Variants in KYNU observed in about 807,000 individuals in gnomAD.
The protein encoded by KYNU is L-kynurenine hydrolase.
A neutral mutation model predicts 59.2 loss-of-function variants in KYNU; 54 were observed. The observed-to-expected ratio is 0.91, with a 90% CI of 0.73 to 1.14. The LOEUF (loss-of-function observed/expected upper bound fraction) is 1.14. Among genes scored for constraint, KYNU ranks in the 50% most tolerant of loss-of-function variants. The probability of loss-of-function intolerance (pLI) is 0.00; values close to 1 mark genes in which losing one functional copy is unlikely to be tolerated. For missense variants in KYNU, 567 were observed against 554.4 expected (o/e 1.02, Z -0.23); for synonymous variants, 177 against 192.0 (o/e 0.92, Z 0.65).
intron 10 of KYNU, among the ~76,000 whole-genome samples, chr2:143,010,985 T>C (rs1250989874): frequency 6.9e-6 from 1 of 145,834 alleles, no homozygotes; most frequent in African/African-American, 2.6e-5. Context: ...GCATGGCCAT[T>C]CAGGACATAG....
At chr2:142,930,952 T>G (rs1199807859) in intron 4 of KYNU, among the ~76,000 whole-genome samples, 3 of 152,142 alleles carry the variant, frequency 2.0e-5, no homozygotes, top group African/African-American at 7.2e-5. Flanking sequence ...AGGCCTAAAA[T>G]GGCATCAGCA....
At chr2:142,892,949 T>C (rs1681759488) in intron 2 of KYNU, among the ~76,000 whole-genome samples, 1 of 152,196 alleles carries the variant, frequency 6.6e-6, no homozygotes, top group Non-Finnish European at 1.5e-5. Flanking sequence ...AGGTTTCAGT[T>C]TGCCTCATGA....
At position 142,985,172 on chromosome 2, in the gene KYNU, G is replaced by A. The variant is rs1421825181; in HGVS notation, c.818G>A (p.Cys273Tyr). 4 of 1,591,628 alleles carry A rather than the reference G, an allele frequency of 2.5e-6. No individual in the cohort carries two copies. The Admixed American group carries it at 6.7e-5, about 27-fold the overall frequency. ...HDWGVDFACW[C>Y]SYKYLNAGAG... ...TGGGGAGTTGATTTTGCCTGCTGGTGTTCCTACAAGGTACAAACGAGTTAA... is the reference window on the plus strand; with the variant it reads ...TGGGGAGTTGATTTTGCCTGCTGGTATTCCTACAAGGTACAAACGAGTTAA... Residue 273 changes from cysteine (C) to tyrosine (Y), a missense_variant, in exon 9 of 14, where the codon TGT becomes TAT. Transcript: ENST00000264170.
chr2:142,991,489 T>G (rs1371515), intron 10 of KYNU, among the ~76,000 whole-genome samples: 82,451 of 151,370 alleles, frequency 0.54, 22,837 homozygotes, highest in East Asian at 0.75. Context: ...GCCTTCTGAG[T>G]CACCTGTTCT....
intron 2 of KYNU, among the ~76,000 whole-genome samples, chr2:142,912,371 C>CTTTTTTTTT (rs60854220): frequency 1.5e-4 from 13 of 89,514 alleles, no homozygotes; most frequent in African/African-American, 2.2e-4. Flanking sequence ...TTTTGTATTT[C>CTTTTTTTTT]TTTTTTTTTT....
intron 10 of KYNU, among the ~76,000 whole-genome samples, chr2:143,022,026 C>T (rs1686424350): frequency 6.6e-6 from 1 of 152,028 alleles, no homozygotes; most frequent in African/African-American, 2.4e-5. Flanking sequence ...ACTAAAGTAT[C>T]TGAATATTTA....
intron 10 of KYNU, among the ~76,000 whole-genome samples, chr2:143,018,959 G>C (rs1212629967): frequency 6.6e-6 from 1 of 151,982 alleles, no homozygotes; most frequent in Non-Finnish European, 1.5e-5. Context: ...GTATAGAAGT[G>C]CTACTGATTT....
chr2:142,981,178 T>G (rs1685041854), intron 8 of KYNU, among the ~76,000 whole-genome samples: 1 of 152,146 alleles, frequency 6.6e-6, no homozygotes, highest in African/African-American at 2.4e-5. Context: ...GCCAGAAGGA[T>G]TTTCATAATG....
rs1464101648 is a variant in KYNU, at chr2:143,055,776, T to A, written c.*13604T>A. The A allele has an allele frequency of 1.3e-5, 2 of 152,168 alleles. No homozygotes were observed. The highest frequency in any genetic ancestry group is 4.8e-5 in the African/African-American group (2 of 41,454). 9.4% of individuals were successfully genotyped at this position (152,168 alleles called of 1,614,324 possible). On this transcript the variant is annotated 3_prime_UTR_variant, in exon 14 of 14. Transcript: ENST00000264170. ...ATTTGAAAACTGGGTGAATAATATG[T>A]GGAATTCTCTCTATTTTTGTTAATG...
At chr2:142,896,429 A>T (rs1681879131) in intron 2 of KYNU, among the ~76,000 whole-genome samples, 1 of 152,204 alleles carries the variant, frequency 6.6e-6, no homozygotes, top group African/African-American at 2.4e-5. Flanking sequence ...CTTATGTACC[A>T]TCCATGCTCT....
intron 2 of KYNU, among the ~76,000 whole-genome samples, chr2:142,900,694 C>T (rs1169298593): frequency 1.3e-5 from 2 of 152,178 alleles, no homozygotes; most frequent in Admixed American, 6.5e-5. Context: ...AGTCTCCCTT[C>T]TCAACAGGAA....
At chr2:142,957,568 T>G in intron 6 of KYNU, 73 bp from the exon 7 acceptor site, 1 of 931,948 alleles carries the variant, frequency 1.1e-6, no homozygotes, top group South Asian at 1.3e-5. Context: ...TATTTTTACT[T>G]TATTATTTGT....
chr2:143,020,168 G>A (rs1686365859), intron 10 of KYNU, among the ~76,000 whole-genome samples: 1 of 151,806 alleles, frequency 6.6e-6, no homozygotes, highest in Admixed American at 6.6e-5. Context: ...CTAATTTTGA[G>A]TTTGGTTTGT....
chr2:142,883,296 G>T (rs1267041403), intron 1 of KYNU, among the ~76,000 whole-genome samples: 12 of 137,336 alleles, frequency 8.7e-5, no homozygotes. Flanking sequence ...CGGGGTTCAC[G>T]CCATTCTCCT....
chr2:142,887,536 A>C (rs1266478405), intron 2 of KYNU, among the ~76,000 whole-genome samples: 2 of 152,198 alleles, frequency 1.3e-5, no homozygotes, highest in Admixed American at 6.5e-5. Context: ...AATAGCCAAA[A>C]GGTGGAATTA....
Position 143,032,151 on chromosome 2 carries a change from A to C in KYNU, c.956-1085A>C, listed in dbSNP as rs538048843. 2.4e-4 allele frequency among the ~76,000 whole-genome samples: 36 copies of C among 152,134 alleles called. No homozygotes were observed. In the South Asian group the frequency reaches 7.1e-3, roughly 30 times the overall value. On this transcript the variant is annotated intron_variant, in intron 11 of 13. Coordinates refer to ENST00000264170, the MANE Select transcript of KYNU (RefSeq NM_003937.3). Reference sequence around the variant, plus strand: ...AAATTAGCTGGGCGTGGTGACAGGCACCCGTAGTCCCAGCTACTCGGAAAG... The same window carrying C: ...AAATTAGCTGGGCGTGGTGACAGGCCCCCGTAGTCCCAGCTACTCGGAAAG...
At chr2:143,017,792 T>C (rs1362334693) in intron 10 of KYNU, among the ~76,000 whole-genome samples, 3 of 152,096 alleles carry the variant, frequency 2.0e-5, no homozygotes, top group African/African-American at 7.2e-5. Flanking sequence ...TGGTGTATCA[T>C]TGTGGGTTTG....
chr2:142,907,958 G>T (rs887448855), intron 2 of KYNU, among the ~76,000 whole-genome samples: 1 of 152,104 alleles, frequency 6.6e-6, no homozygotes, highest in African/African-American at 2.4e-5. Flanking sequence ...GCTTACCTTT[G>T]CTTTTCCATC....
intron 13 of KYNU, among the ~76,000 whole-genome samples, chr2:143,041,541 T>A (rs926007957): frequency 3.9e-5 from 6 of 152,086 alleles, no homozygotes; most frequent in African/African-American, 1.4e-4. Flanking sequence ...AGGTGTTTTC[T>A]AAAGTTAACC....
Sources: allele counts gnomAD v4.1 joint callset (sites outside exome capture counted in the v4.1 genomes callset), GRCh38; gene constraint gnomAD v4.1.1; transcripts MANE v1.5; gene names NCBI Gene and HGNC (gene_info 2026-07-23, HGNC 2026-07-21).